Variants in NAA11 observed in about 807,000 individuals in gnomAD.
NAA11 encodes N-alpha-acetyltransferase 11.
A neutral mutation model predicts 16.1 loss-of-function variants in NAA11; 15 were observed. That is an observed-to-expected ratio of 0.93 (90% CI 0.62 to 1.44). The LOEUF (loss-of-function observed/expected upper bound fraction) is 1.44, where lower values mean the gene tolerates loss of function less well. Ranked by LOEUF, NAA11 falls within the 40% of genes most tolerant of loss-of-function variation. The probability of loss-of-function intolerance (pLI) is 0.00; values close to 1 mark genes in which losing one functional copy is unlikely to be tolerated. For synonymous variants in NAA11, 122 were observed against 112.4 expected (o/e 1.09, Z -0.54); for missense variants, 298 against 291.3 (o/e 1.02, Z -0.17).
intron 1 of NAA11, chr4:79,299,623 C>T (rs945359259): frequency 6.6e-6 from 1 of 152,144 alleles, no homozygotes; most frequent in African/African-American, 2.4e-5. Context: ...GACACTTCCT[C>T]CTCTCCACCC....
chr4:79,237,427 A>G (rs1578155536), intron 2 of NAA11, among the ~76,000 whole-genome samples: 1 of 152,206 alleles, frequency 6.6e-6, no homozygotes, highest in South Asian at 2.1e-4. Context: ...ATGCTCCCAT[A>G]TATCTATTGT....
At chr4:79,298,605 T>C (rs779967613) in intron 1 of NAA11, among the ~76,000 whole-genome samples, 17 of 152,196 alleles carry the variant, frequency 1.1e-4, no homozygotes, top group Non-Finnish European at 2.2e-4. Flanking sequence ...ACTGCAGCAG[T>C]TGGTGTGTCT....
At chr4:79,298,220 C>G (rs1723282274) in intron 1 of NAA11, among the ~76,000 whole-genome samples, 1 of 152,246 alleles carries the variant, frequency 6.6e-6, no homozygotes, top group South Asian at 2.1e-4. Flanking sequence ...TAACGCTCCT[C>G]TTCGTCTTGC....
the NAA11 span, among the ~76,000 whole-genome samples, chr4:79,187,511 A>G: frequency 6.6e-6 from 1 of 152,214 alleles, no homozygotes; most frequent in Non-Finnish European, 1.5e-5. Context: ...ACTAACCGTG[A>G]CAGTTAGTCC....
intron 2 of NAA11, among the ~76,000 whole-genome samples, chr4:79,251,256 A>C (rs1721987153): frequency 6.6e-6 from 1 of 152,244 alleles, no homozygotes; most frequent in Non-Finnish European, 1.5e-5. Context: ...TCGTATGAAG[A>C]AAATGTTGTA....
chr4:79,166,928 T>C, the NAA11 span, among the ~76,000 whole-genome samples: 1 of 146,580 alleles, frequency 6.8e-6, no homozygotes, highest in East Asian at 2.1e-4. Flanking sequence ...ATCTGATCTT[T>C]ATCATCTGTC....
chr4:79,167,024 C>G, the NAA11 span, among the ~76,000 whole-genome samples: 2 of 143,364 alleles, frequency 1.4e-5, no homozygotes, highest in Non-Finnish European at 3.0e-5. Context: ...TGGAATTAGT[C>G]ACATGATTAT....
At chr4:79,211,706 G>T in the NAA11 span, 1 of 152,208 alleles carries the variant, frequency 6.6e-6, no homozygotes, top group Non-Finnish European at 1.5e-5. Context: ...CAGACAGCTG[G>T]CAAGCTCTGT....
chr4:79,185,890 AT>A, the NAA11 span, among the ~76,000 whole-genome samples: 2 of 152,022 alleles, frequency 1.3e-5, no homozygotes, highest in Non-Finnish European at 2.9e-5. Context: ...AAAAAACTTC[AT>A]TTATGGAACT....
At chr4:79,288,803 A>G (rs895458349) in intron 2 of NAA11, among the ~76,000 whole-genome samples, 1 of 152,188 alleles carries the variant, frequency 6.6e-6, no homozygotes, top group Non-Finnish European at 1.5e-5. Flanking sequence ...CAGAAACCTT[A>G]AAGTCATTCA....
At chr4:79,227,982 C>G (rs1188433291) in intron 2 of NAA11, 1 of 151,972 alleles carries the variant, frequency 6.6e-6, no homozygotes, top group Non-Finnish European at 1.5e-5. Context: ...TGGAACTTAA[C>G]TGTGTCTGTA....
chr4:79,247,973 C>T (rs1721881131), intron 2 of NAA11, among the ~76,000 whole-genome samples: 1 of 152,174 alleles, frequency 6.6e-6, no homozygotes, highest in Admixed American at 6.5e-5. Flanking sequence ...GCCAGGGATG[C>T]CCATCTCCCA....
chr4:79,319,765 A>T (rs942389045), intron 1 of NAA11, among the ~76,000 whole-genome samples: 2 of 152,178 alleles, frequency 1.3e-5, no homozygotes, highest in African/African-American at 4.8e-5. Flanking sequence ...TTGCATTTGA[A>T]ATCTATGGTT....
At chr4:79,181,404 A>G in the NAA11 span, among the ~76,000 whole-genome samples, 1 of 152,130 alleles carries the variant, frequency 6.6e-6, no homozygotes, top group Non-Finnish European at 1.5e-5. Context: ...ACTGCTGTCC[A>G]GCTGCAGTGG....
chr4:79,207,006 A>T, the NAA11 span, among the ~76,000 whole-genome samples: 1 of 151,990 alleles, frequency 6.6e-6, no homozygotes, highest in Non-Finnish European at 1.5e-5. Context: ...CAGCTTGGTC[A>T]TTATTGGTGT....
chr4:79,309,330 A>C (rs1723690193), intron 1 of NAA11, among the ~76,000 whole-genome samples: 1 of 152,188 alleles, frequency 6.6e-6, no homozygotes, highest in Admixed American at 6.5e-5. Context: ...TCAAAAACAT[A>C]AACACTGATG....
intron 2 of NAA11, among the ~76,000 whole-genome samples, chr4:79,247,059 T>G (rs577025465): frequency 6.6e-6 from 1 of 152,288 alleles, no homozygotes; most frequent in South Asian, 2.1e-4. Flanking sequence ...ATGGTAGTGG[T>G]GCAGAAGTAA....
chr4:79,182,079 C>T, the NAA11 span, among the ~76,000 whole-genome samples: 2 of 152,108 alleles, frequency 1.3e-5, no homozygotes, highest in Non-Finnish European at 2.9e-5. Context: ...TTCAGAGTCA[C>T]AAGTAATAAC....
intron 1 of NAA11, among the ~76,000 whole-genome samples, chr4:79,311,100 AT>A (rs1723756810): frequency 6.6e-6 from 1 of 152,188 alleles, no homozygotes; most frequent in Admixed American, 6.5e-5. Context: ...TTACAGGGTG[AT>A]TTCAAAAGCT....
Sources: gnomAD v4.1 joint callset for allele counts (sites outside exome capture counted in the v4.1 genomes callset) on GRCh38, gnomAD v4.1.1 for gene constraint, MANE v1.5 for transcripts, NCBI Gene and HGNC (gene_info 2026-07-23, HGNC 2026-07-21) for gene names.